CELF2: variants seen among roughly 807,000 people sequenced by gnomAD.
CELF2 encodes CUG triplet repeat RNA-binding protein 2.
CELF2 carries 8 observed loss-of-function variants against 62.6 expected under a neutral mutation model. The observed-to-expected ratio is 0.13, with a 90% CI of 0.07 to 0.23. The LOEUF is 0.23. Among genes scored for constraint, CELF2 ranks in the 10% least tolerant of loss-of-function variants. CELF2 has a pLI of 1.00. For synonymous variants in CELF2, 258 were observed against 250.0 expected, an observed-to-expected ratio of 1.03 and a Z score of -0.30; for missense variants, 333 against 671.0, an observed-to-expected ratio of 0.50 and a Z score of 5.56.
chr10:10,892,721 C>T (rs993747444), intron 1 of CELF2, among the ~76,000 whole-genome samples: 6 of 152,194 alleles, frequency 3.9e-5, no homozygotes, highest in African/African-American at 1.4e-4. Flanking sequence ...TACTGCCAGG[C>T]TCTACATGTT....
intron 4 of CELF2, among the ~76,000 whole-genome samples, chr10:11,250,027 G>A (rs140121569): frequency 2.0e-5 from 3 of 152,364 alleles, no homozygotes; most frequent in African/African-American, 7.2e-5. Context: ...CAGGGCAGAA[G>A]CCATGCACTT....
At chr10:10,804,850 G>A (rs2055044237) in intron 1 of CELF2, among the ~76,000 whole-genome samples, 1 of 152,136 alleles carries the variant, frequency 6.6e-6, no homozygotes, top group Non-Finnish European at 1.5e-5. Flanking sequence ...AGTCTCCTAA[G>A]ATGCATCCCA....
chr10:10,806,203 C>CTTTTTTTT (rs112165245), intron 1 of CELF2, among the ~76,000 whole-genome samples: 7 of 141,442 alleles, frequency 4.9e-5, no homozygotes, highest in South Asian at 2.3e-4. Flanking sequence ...TTCCAGTGTT[C>CTTTTTTTT]TTTTTTTTTT....
chr10:11,199,750 A>G (rs145173077), intron 2 of CELF2, among the ~76,000 whole-genome samples: 7 of 152,206 alleles, frequency 4.6e-5, no homozygotes, highest in Non-Finnish European at 8.8e-5. Context: ...TTTTTATTCT[A>G]TGCAAAATCT....
intron 2 of CELF2, among the ~76,000 whole-genome samples, chr10:10,922,440 C>T (rs1006391403): frequency 3.9e-5 from 6 of 152,278 alleles, no homozygotes; most frequent in Admixed American, 1.3e-4. Flanking sequence ...AGCTAAGAAG[C>T]AGACCACCTC....
the CELF2 span, among the ~76,000 whole-genome samples, chr10:10,704,504 C>T: frequency 6.6e-6 from 1 of 152,122 alleles, no homozygotes; most frequent in Non-Finnish European, 1.5e-5. Flanking sequence ...CATGTTACTG[C>T]TTTCCAGAAA....
At chr10:10,473,958 C>T in the CELF2 span, among the ~76,000 whole-genome samples, 7 of 152,062 alleles carry the variant, frequency 4.6e-5, no homozygotes, top group Middle Eastern at 3.4e-3. Flanking sequence ...CAGACAAACC[C>T]GGGATTATAT....
intron 1 of CELF2, among the ~76,000 whole-genome samples, chr10:10,833,374 G>A (rs577101680): frequency 1.3e-5 from 2 of 152,306 alleles, no homozygotes; most frequent in Admixed American, 1.3e-4. Flanking sequence ...AACTGATGCT[G>A]AAGGTGAACT....
the CELF2 span, among the ~76,000 whole-genome samples, chr10:10,747,739 C>T: frequency 3.3e-5 from 5 of 152,296 alleles, no homozygotes; most frequent in East Asian, 5.8e-4. Context: ...CGAAGTCTTG[C>T]TCTGTCGTCC....
chr10:11,224,471 C>G lies in CELF2; in HGVS notation c.354+6964C>G, dbSNP rs374903875. ...AAACTGGGAATATGCAGTTCACTTA[C>G]GTCGACCTTAGTTCCCAAAAGGTTG... is the stretch of plus-strand genomic sequence containing the variant. On this transcript the variant is annotated intron_variant, in intron 3 of 12. Transcript: ENST00000633077. This position sits in a 1 kb window ranked among gnomAD's most constrained non-coding sequence, Gnocchi z 4.5. Among the ~76,000 whole-genome samples the G allele has an allele frequency of 5.3e-5, 8 of 152,114 alleles. No individual in the cohort carries two copies. In the East Asian group the frequency reaches 1.2e-3, roughly 22 times the overall value.
At chr10:11,047,208 G>T (rs951550887) in intron 1 of CELF2, among the ~76,000 whole-genome samples, 7 of 152,066 alleles carry the variant, frequency 4.6e-5, no homozygotes, top group African/African-American at 9.7e-5. Context: ...AGATATTAAA[G>T]ACCTGTAAAT....
intron 2 of CELF2, among the ~76,000 whole-genome samples, chr10:11,174,230 T>C (rs1005127207): frequency 5.3e-5 from 8 of 152,116 alleles, no homozygotes; most frequent in Admixed American, 2.0e-4. Flanking sequence ...GTACAGGAAT[T>C]TGTCAAAGCC....
chr10:10,803,872 C>G (rs2054928670), intron 1 of CELF2, among the ~76,000 whole-genome samples: 1 of 152,188 alleles, frequency 6.6e-6, no homozygotes, highest in African/African-American at 2.4e-5. Context: ...TCTTATCCTA[C>G]TTTATACTCA....
At chr10:10,472,824 T>C in the CELF2 span, among the ~76,000 whole-genome samples, 8 of 152,028 alleles carry the variant, frequency 5.3e-5, no homozygotes, top group Non-Finnish European at 2.9e-5. Flanking sequence ...GCTGCTTTTA[T>C]TAGTCTGGCC....
At chr10:11,020,433 G>T (rs999694118) in intron 1 of CELF2, among the ~76,000 whole-genome samples, 2 of 152,080 alleles carry the variant, frequency 1.3e-5, no homozygotes, top group South Asian at 2.1e-4. Context: ...GAGGTGTGTG[G>T]GGGGGAATAT....
intron 2 of CELF2, among the ~76,000 whole-genome samples, chr10:10,977,849 C>G (rs909634272): frequency 2.0e-5 from 3 of 152,146 alleles, no homozygotes; most frequent in Admixed American, 2.0e-4. Context: ...TTGGGGCTTA[C>G]AGTAAAAGGG....
At chr10:11,070,517 G>T in intron 1 of CELF2, among the ~76,000 whole-genome samples, 1 of 152,198 alleles carries the variant, frequency 6.6e-6, no homozygotes, top group East Asian at 1.9e-4. Context: ...ATACAGGACT[G>T]GGCCTGGTGA....
chr10:10,768,050 C>T, the CELF2 span, among the ~76,000 whole-genome samples: 5 of 145,674 alleles, frequency 3.4e-5, no homozygotes, highest in Non-Finnish European at 7.4e-5. Context: ...CCTGTAGTCC[C>T]AGCTGCTCAG....
the CELF2 span, among the ~76,000 whole-genome samples, chr10:10,533,140 C>T: frequency 6.6e-6 from 1 of 152,200 alleles, no homozygotes; most frequent in South Asian, 2.1e-4. Context: ...TAGCTGTAAA[C>T]ACCTGAAATT....
Sources: gnomAD v4.1 joint callset for allele counts (sites outside exome capture counted in the v4.1 genomes callset) on GRCh38, gnomAD v4.1.1 for gene constraint, Gnocchi (gnomAD v3.1) non-coding constraint, MANE v1.5 for transcripts, NCBI Gene and HGNC (gene_info 2026-07-23, HGNC 2026-07-21) for gene names.